Variants in CRB1 observed in about 807,000 individuals in gnomAD.
CRB1 encodes the protein protein crumbs homolog 1.
Under a neutral mutation model 120.0 loss-of-function variants are expected in CRB1, and 83 were observed. That is an observed-to-expected ratio of 0.69 (90% CI 0.58 to 0.83). The LOEUF is 0.83. Ranked by LOEUF, CRB1 falls within the 40% of genes least tolerant of loss-of-function variation. The pLI, the probability that CRB1 is intolerant of heterozygous loss-of-function variation, is 0.00. For missense variants in CRB1, 1,699 were observed against 1,687.6 expected (o/e 1.01, Z -0.12); for synonymous variants, 625 against 612.5 (o/e 1.02, Z -0.30).
At chr1:197,430,725 A>T (rs1482266995) in intron 8 of CRB1, among the ~76,000 whole-genome samples, 1 of 152,006 alleles carries the variant, frequency 6.6e-6, no homozygotes, top group East Asian at 1.9e-4. Flanking sequence ...ATATGCATTG[A>T]TATATTTGTC....
chr1:197,359,597 C>A (rs932166228), intron 5 of CRB1, among the ~76,000 whole-genome samples: 2 of 152,108 alleles, frequency 1.3e-5, no homozygotes, highest in Admixed American at 1.3e-4. Context: ...ATATTCACTT[C>A]TCTAAGGTAA....
intron 11 of CRB1, among the ~76,000 whole-genome samples, chr1:197,450,885 G>C (rs6682624): frequency 2.1e-5 from 3 of 144,722 alleles, no homozygotes; most frequent in African/African-American, 5.1e-5. Context: ...GCGTGAACCC[G>C]GGGGGCGGAG....
rs571599043 is a variant in CRB1 at position 197,478,347 on chromosome 1, C to T, written c.*468C>T. ...GGTCAAAGTTATTGTTGTATACCAG[C>T]GATGGGATGTATACTTTTGTCCTTC... On this transcript the variant is annotated 3_prime_UTR_variant, in exon 12 of 12. Transcript: ENST00000367400. 9 of 204,198 alleles carry T rather than the reference C, an allele frequency of 4.4e-5. No homozygotes were observed. The highest frequency in any genetic ancestry group is 3.6e-4 in the East Asian group (3 of 8,326). 12.6% of individuals were successfully genotyped at this position (204,198 alleles called of 1,614,324 possible).
intron 4 of CRB1, among the ~76,000 whole-genome samples, chr1:197,356,144 A>G (rs1348045438): frequency 6.6e-6 from 1 of 152,264 alleles, no homozygotes; most frequent in African/African-American, 2.4e-5. Context: ...GCAAGTTGCT[A>G]AAGAATGCAG....
At chr1:197,265,046 C>A (rs1654601885), upstream of CRB1, among the ~76,000 whole-genome samples, 2 of 152,114 alleles carry the variant, frequency 1.3e-5, no homozygotes, top group African/African-American at 2.4e-5. Flanking sequence ...TATCATGAAT[C>A]TTTTGAGTGT....
chr1:197,330,226 C>G (rs950720209), intron 2 of CRB1, among the ~76,000 whole-genome samples: 14 of 152,168 alleles, frequency 9.2e-5, no homozygotes, highest in Non-Finnish European at 2.1e-4. Flanking sequence ...AAGATATGTT[C>G]CAAATTGAGC....
At chr1:197,202,625 G>A in the CRB1 span, among the ~76,000 whole-genome samples, 6 of 152,110 alleles carry the variant, frequency 3.9e-5, no homozygotes, top group African/African-American at 1.4e-4. Context: ...CAGAAGGGCT[G>A]ATCCAAGATA....
chr1:197,228,504 C>T, the CRB1 span, among the ~76,000 whole-genome samples: 1 of 152,166 alleles, frequency 6.6e-6, no homozygotes, highest in African/African-American at 2.4e-5. Flanking sequence ...CCAACAAGTT[C>T]CTCATCTCCA....
the CRB1 span, among the ~76,000 whole-genome samples, chr1:197,222,067 C>CT: frequency 1.6e-4 from 25 of 152,094 alleles, no homozygotes; most frequent in African/African-American, 5.3e-4. Flanking sequence ...TTATTTTTTA[C>CT]TTTTTTTAAA....
chr1:197,227,268 A>G, the CRB1 span, among the ~76,000 whole-genome samples: 4 of 152,176 alleles, frequency 2.6e-5, no homozygotes, highest in Admixed American at 6.5e-5. Context: ...CCTAGATACA[A>G]TGGGGGTACA....
At chr1:197,390,637 T>C (rs181388517) in intron 5 of CRB1, among the ~76,000 whole-genome samples, 27 of 152,296 alleles carry the variant, frequency 1.8e-4, no homozygotes, top group Admixed American at 1.6e-3. Context: ...TACCTTGTTT[T>C]GTTTACCCAT....
chr1:197,417,713 G>T (rs1031167251), intron 5 of CRB1, among the ~76,000 whole-genome samples: 114 of 152,148 alleles, frequency 7.5e-4, no homozygotes, highest in Admixed American at 5.9e-4. Flanking sequence ...CCCAGTCTCA[G>T]AAACCATGGA....
chr1:197,354,020 T>TA (rs869086277), intron 4 of CRB1, among the ~76,000 whole-genome samples: 3,163 of 116,188 alleles, frequency 0.027, 67 homozygotes, highest in Middle Eastern at 0.039. Context: ...TATGAAATGG[T>TA]AAAAAAAAAA....
At chr1:197,362,736 A>G (rs1166863842) in intron 5 of CRB1, among the ~76,000 whole-genome samples, 1 of 152,056 alleles carries the variant, frequency 6.6e-6, no homozygotes, top group Non-Finnish European at 1.5e-5. Flanking sequence ...TTCCACCCTT[A>G]TATTTCCAAC....
the CRB1 span, among the ~76,000 whole-genome samples, chr1:197,211,319 A>C: frequency 6.6e-6 from 1 of 152,248 alleles, no homozygotes; most frequent in African/African-American, 2.4e-5. Flanking sequence ...AAATTAAAGA[A>C]GACTTAATAA....
At chr1:197,298,280 A>G (rs1168757964) in intron 1 of CRB1, among the ~76,000 whole-genome samples, 1 of 152,136 alleles carries the variant, frequency 6.6e-6, no homozygotes, top group Non-Finnish European at 1.5e-5. Flanking sequence ...ATAAAGAGAC[A>G]AAACCTAGTA....
At chr1:197,337,640 G>A (rs1438128631) in intron 2 of CRB1, among the ~76,000 whole-genome samples, 1 of 152,038 alleles carries the variant, frequency 6.6e-6, no homozygotes, top group Non-Finnish European at 1.5e-5. Flanking sequence ...TCTAAACAAT[G>A]TTTGCCTTTG....
rs747334769 is a variant in CRB1 at position 197,428,965 on chromosome 1, C to T, written c.2677-484C>T. 4.6e-5 allele frequency: 71 copies of T among 1,532,102 alleles called. No homozygotes were observed. In the South Asian group the frequency reaches 8.4e-4, roughly 18 times the overall value. The allele number at this position is 1,532,102 out of a possible 1,614,324, so 94.9% of individuals were successfully genotyped here. On this transcript the variant is annotated intron_variant, in intron 7 of 11. Coordinates refer to ENST00000367400, the MANE Select transcript of CRB1 (RefSeq NM_201253.3). ...GAACTCAAATAATAATACTATGTCT[C>T]TGATTCAGAGGCAGACCAATGTGGG...
At chr1:197,289,001 C>A (rs1190389920) in intron 1 of CRB1, among the ~76,000 whole-genome samples, 1 of 151,036 alleles carries the variant, frequency 6.6e-6, no homozygotes, top group East Asian at 2.0e-4. Context: ...GAATTTCCAG[C>A]CAACAGCATG....
Sources: gnomAD v4.1 joint callset for allele counts (sites outside exome capture counted in the v4.1 genomes callset) on GRCh38, gnomAD v4.1.1 for gene constraint, MANE v1.5 for transcripts, NCBI Gene and HGNC (gene_info 2026-07-23, HGNC 2026-07-21) for gene names.